RYR2: variants seen among roughly 807,000 people sequenced by gnomAD.
RYR2 encodes the protein ryanodine receptor 2, also known as cardiac muscle ryanodine receptor-calcium release channel.
RYR2 carries 227 observed loss-of-function variants against 601.1 expected under a neutral mutation model. The ratio of observed to expected loss-of-function variants is 0.38; its 90% CI spans 0.34 to 0.42. The LOEUF (loss-of-function observed/expected upper bound fraction) is 0.42, where lower values mean the gene tolerates loss of function less well. Ranked by LOEUF, RYR2 falls within the 10% of genes least tolerant of loss-of-function variation. RYR2 has a pLI of 1.00. For missense variants in RYR2, 4,646 were observed against 6,156.5 expected (o/e 0.75, Z 8.21); for synonymous variants, 2,223 against 2,175.1 (o/e 1.02, Z -0.61).
chr1:237,435,990 T>C (rs762502549), intron 12 of RYR2, among the ~76,000 whole-genome samples: 2 of 152,154 alleles, frequency 1.3e-5, no homozygotes, highest in African/African-American at 2.4e-5. Flanking sequence ...GCTGATGCTG[T>C]TGGCCACAGG....
intron 80 of RYR2, among the ~76,000 whole-genome samples, chr1:237,749,982 CTAAAAA>C (rs1029882458): frequency 2.6e-5 from 4 of 151,854 alleles, no homozygotes; most frequent in Non-Finnish European, 4.4e-5. Context: ...CCCATCTCTG[CTAAAAA>C]TACAAAAATT....
At chr1:237,092,860 T>A (rs971385186) in intron 1 of RYR2, among the ~76,000 whole-genome samples, 1 of 152,204 alleles carries the variant, frequency 6.6e-6, no homozygotes, top group African/African-American at 2.4e-5. Flanking sequence ...TTTCAAAATC[T>A]AATTCAACTT....
At chr1:237,611,686 A>C (rs1440519866) in intron 36 of RYR2, among the ~76,000 whole-genome samples, 1 of 152,212 alleles carries the variant, frequency 6.6e-6, no homozygotes, top group Non-Finnish European at 1.5e-5. Flanking sequence ...TGAAATGTTG[A>C]ATCACAAACT....
intron 14 of RYR2, 31 bp from the exon 15 acceptor site, chr1:237,454,360 A>T: frequency 6.4e-7 from 1 of 1,559,876 alleles, no homozygotes; most frequent in African/African-American, 1.4e-5. Context: ...TGAATCACTG[A>T]CAATAGAGAA....
chr1:237,184,292 T>G (rs992915927), intron 1 of RYR2, among the ~76,000 whole-genome samples: 2 of 152,182 alleles, frequency 1.3e-5, no homozygotes, highest in Non-Finnish European at 2.9e-5. Context: ...GTGCTTCATC[T>G]CCCTGCTGTC....
At chr1:237,712,304 C>T (rs1405511552) in intron 71 of RYR2, among the ~76,000 whole-genome samples, 1 of 151,932 alleles carries the variant, frequency 6.6e-6, no homozygotes, top group East Asian at 1.9e-4. Context: ...GTACCTAGTC[C>T]CAGAGTGATT....
At chr1:237,826,478 G>A (rs994640149) in intron 101 of RYR2, among the ~76,000 whole-genome samples, 2 of 151,842 alleles carry the variant, frequency 1.3e-5, no homozygotes, top group African/African-American at 4.8e-5. Context: ...TAACACATTG[G>A]GGGGCATCAC....
chr1:237,686,393 C>T (rs1021749482), intron 62 of RYR2, among the ~76,000 whole-genome samples: 4 of 152,026 alleles, frequency 2.6e-5, no homozygotes, highest in African/African-American at 9.7e-5. Flanking sequence ...TGGGTATGGA[C>T]CTCTTGCAGC....
At chr1:237,316,635 G>A (rs1695145357) in intron 2 of RYR2, among the ~76,000 whole-genome samples, 1 of 152,206 alleles carries the variant, frequency 6.6e-6, no homozygotes, top group Admixed American at 6.5e-5. Flanking sequence ...TTAAAACTAT[G>A]GATCAATCTC....
chr1:237,559,105 C>A (rs1671198026), intron 27 of RYR2, among the ~76,000 whole-genome samples: 1 of 151,810 alleles, frequency 6.6e-6, no homozygotes, highest in African/African-American at 2.4e-5. Flanking sequence ...AGTGACTGTC[C>A]TGCCTCAGCC....
chr1:237,761,471 C>A (rs2149278776), intron 84 of RYR2, among the ~76,000 whole-genome samples: 1 of 152,236 alleles, frequency 6.6e-6, no homozygotes, highest in South Asian at 2.1e-4. Context: ...TTCCTATTCC[C>A]TCCTCTTCCC....
chr1:237,511,852 A>AAAAC, intron 24 of RYR2, 61 bp downstream of exon 24: 1 of 971,898 alleles, frequency 1.0e-6, no homozygotes, highest in Non-Finnish European at 1.5e-6. Flanking sequence ...AAAAAAAAAA[A>AAAAC]AAAAAAACAG....
At chr1:237,697,430 ATATAATATATATTTATGTAAATATATAT>A (rs1156451350) in intron 63 of RYR2, among the ~76,000 whole-genome samples, 2 of 142,660 alleles carry the variant, frequency 1.4e-5, no homozygotes, top group Non-Finnish European at 3.0e-5. Context: ...ATATATAATT[ATATAATATATATTTATGTAAATATATAT>A]TATATGATAT....
intron 1 of RYR2, among the ~76,000 whole-genome samples, chr1:237,215,059 T>C (rs992668396): frequency 3.9e-5 from 6 of 152,214 alleles, no homozygotes; most frequent in African/African-American, 1.4e-4. Context: ...TTTAAATTCA[T>C]TCTGTTCTGT....
In RYR2 at chr1:237,674,175, G is replaced by A. The variant is rs1333506899; in HGVS notation, c.8670G>A (p.Gln2890=). The change falls in exon 59 of 105, where the codon CAG becomes CAA. Residue 2890 remains glutamine, a synonymous_variant. Transcript: ENST00000366574. The part of the protein sequence containing the change: ...KEKAKDREKA[Q]DILKFLQING... ...AAGCCAAGGATAGAGAAAAAGCACA[G>A]GACATCCTCAAGTTCTTGCAGATCA... The A allele has an allele frequency of 6.2e-7, 1 of 1,612,394 alleles. No homozygotes were observed. Among genetic ancestry groups the A allele is most frequent in the East Asian group, 2.2e-5 (1 of 44,842 alleles).
In RYR2 at chr1:237,658,040, T is replaced by A. The variant is rs1340011974; in HGVS notation, c.8208+18T>A. 1 of 1,383,392 alleles carries A rather than the reference T, an allele frequency of 7.2e-7. No homozygotes were observed. Among genetic ancestry groups the A allele is most frequent in the African/African-American group, 1.5e-5 (1 of 67,896 alleles). 85.7% of individuals were successfully genotyped at this position (1,383,392 alleles called of 1,614,324 possible). A position where few individuals can be genotyped will look rare whatever the true frequency, so the allele number is the denominator to read the frequency against. On this transcript the variant is annotated intron_variant, in intron 54 of 104. Coordinates refer to ENST00000366574, the MANE Select transcript of RYR2 (RefSeq NM_001035.3). Reference sequence around the variant, plus strand: ...TGGACAAGGTAAAAAGAGTATTACATTCTAATTCAGTAGTCATTATTAATG... The same window carrying A: ...TGGACAAGGTAAAAAGAGTATTACAATCTAATTCAGTAGTCATTATTAATG...
At chr1:237,803,445 C>T (rs547122727) in intron 98 of RYR2, among the ~76,000 whole-genome samples, 37 of 152,270 alleles carry the variant, frequency 2.4e-4, no homozygotes, top group Non-Finnish European at 5.1e-4. Flanking sequence ...GGACTACAGG[C>T]GCCCGCCACC....
intron 17 of RYR2, among the ~76,000 whole-genome samples, chr1:237,478,967 T>C (rs1037922032): frequency 2.0e-5 from 3 of 152,198 alleles, no homozygotes; most frequent in African/African-American, 7.2e-5. Context: ...GCAAGTTCAA[T>C]TGTTGCAGAT....
At position 237,778,784 on chromosome 1, in the gene RYR2, C is replaced by G. The variant is rs756052547; in HGVS notation, c.11880+14C>G. On this transcript the variant is annotated intron_variant, in intron 88 of 104. Transcript: ENST00000366574. ...AAGCTGTCGCAGGTAAACTAACTAA[C>G]TGCCTTCCTCTCTCTTAAATGACAA... 7.8e-7 allele frequency: 1 copy of G among 1,289,634 alleles called. No individual in the cohort carries two copies. The highest frequency in any genetic ancestry group is 1.1e-6 in the Non-Finnish European group (1 of 887,776). 79.9% of individuals were successfully genotyped at this position (1,289,634 alleles called of 1,614,324 possible).
Sources: allele counts gnomAD v4.1 joint callset (sites outside exome capture counted in the v4.1 genomes callset), GRCh38; gene constraint gnomAD v4.1.1; transcripts MANE v1.5; gene names NCBI Gene and HGNC (gene_info 2026-07-23, HGNC 2026-07-21).